The following PRRC2C variants were observed in gnomAD, a reference collection of about 807,000 sequenced individuals.
PRRC2C encodes proline rich coiled-coil 2C.
Under a neutral mutation model 317.2 loss-of-function variants are expected in PRRC2C, and 72 were observed. The observed-to-expected ratio is 0.23, with a 90% confidence interval of 0.19 to 0.28. The LOEUF is 0.28. Ranked by LOEUF, PRRC2C falls within the 10% of genes least tolerant of loss-of-function variation. PRRC2C has a pLI of 1.00. For synonymous variants in PRRC2C, 1,296 were observed against 1,205.9 expected (o/e 1.07, Z -1.55); for missense variants, 3,074 against 3,459.7 (o/e 0.89, Z 2.80).
chr1:171,524,764 G>A, intron 9 of PRRC2C, 57 bp from the exon 10 acceptor site: 1 of 1,454,732 alleles, frequency 6.9e-7, no homozygotes, highest in Non-Finnish European at 9.1e-7. Flanking sequence ...CAAAAATAAT[G>A]TGTGTACTTA....
At chr1:171,560,269 A>G (rs962564460) in intron 19 of PRRC2C, among the ~76,000 whole-genome samples, 1 of 152,348 alleles carries the variant, frequency 6.6e-6, no homozygotes, top group Middle Eastern at 3.4e-3. Flanking sequence ...ACATCAGTGG[A>G]GGAAATAACT....
chr1:171,510,490 A>G (rs1671152208), intron 1 of PRRC2C: 1 of 151,992 alleles, frequency 6.6e-6, no homozygotes, highest in East Asian at 1.9e-4. Context: ...CTCTTTTGTC[A>G]CTGTAGATGA....
At chr1:171,513,465 A>T (rs1484399331) in intron 3 of PRRC2C, 1 of 509,192 alleles carries the variant, frequency 2.0e-6, no homozygotes, top group Admixed American at 2.3e-5. Flanking sequence ...TTCCCTTTCC[A>T]ATATGATTAA....
intron 6 of PRRC2C, among the ~76,000 whole-genome samples, chr1:171,519,379 A>G (rs12567152): frequency 0.12 from 18,798 of 152,220 alleles, 1,233 homozygotes; most frequent in East Asian, 0.22. Flanking sequence ...GATCCAGGCA[A>G]CATCCATTCG....
intron 8 of PRRC2C, 25 bp downstream of exon 8, chr1:171,523,379 C>T: frequency 1.9e-6 from 3 of 1,613,714 alleles, no homozygotes; most frequent in East Asian, 2.2e-5. Context: ...TAATTAAGTC[C>T]TTTAAATTGT....
rs1683713853 is a variant in PRRC2C, at chr1:171,566,608, C to T, written c.6323C>T (p.Pro2108Leu). 1.3e-6 allele frequency: 2 copies of T among 1,586,144 alleles called. No homozygotes were observed. Among genetic ancestry groups the T allele is most frequent in the Non-Finnish European group, 1.7e-6 (2 of 1,167,144 alleles). ...IKAQKLPDLS[P>L]VENKEHKPGP... ...TGACTTTAGCTTCCAGATTTGAGTC[C>T]AGTAGAAAACAAAGAACACAAACCT... Residue 2108 changes from proline (P) to leucine (L), a missense_variant, in exon 22 of 35, where the codon CCA (proline) becomes CTA (leucine). By Grantham distance (98) the Pro-to-Leu change is moderately conservative (BLOSUM62 -3). Coordinates refer to ENST00000647382, the MANE Select transcript of PRRC2C (RefSeq NM_001387844.1).
At chr1:171,568,469 G>A in intron 23 of PRRC2C, 130 bp downstream of exon 23, 9 of 1,371,008 alleles carry the variant, frequency 6.6e-6, no homozygotes, top group Non-Finnish European at 8.6e-6. Flanking sequence ...TAGTAAATTT[G>A]TGTTTAGGAG....
intron 23 of PRRC2C, among the ~76,000 whole-genome samples, chr1:171,571,019 G>A (rs1558026715): frequency 6.6e-6 from 1 of 152,132 alleles, no homozygotes; most frequent in Non-Finnish European, 1.5e-5. Context: ...GGTGATTTAT[G>A]TACATATTAA....
At chr1:171,590,743 T>C (rs1558066137) in intron 34 of PRRC2C, among the ~76,000 whole-genome samples, 1 of 152,176 alleles carries the variant, frequency 6.6e-6, no homozygotes. Context: ...GAAATACCAG[T>C]GTGAGTAAAA....
chr1:171,535,446 C>G lies in PRRC2C; in HGVS notation c.1892C>G (p.Thr631Ser). Residue 631 changes from threonine to serine, a missense_variant, in exon 13 of 35, where the codon ACT (threonine) becomes AGT (serine). This residue lies in a region of PRRC2C where 1,320 missense variants were observed against 1,395.7 expected (regional missense o/e 0.95). Coordinates refer to ENST00000647382, the MANE Select transcript of PRRC2C (RefSeq NM_001387844.1). The part of the protein sequence containing the change: ...SCNKEEEPVF[T>S]RQDSNRSEKE... ...TGAGCAGAGGAGGAACCCGTTTTCA[C>G]TAGACAAGACAGCAATCGCAGTGAA... 1 of 1,613,254 alleles carries G rather than the reference C, an allele frequency of 6.2e-7. No homozygotes were observed. Among genetic ancestry groups the G allele is most frequent in the East Asian group, 2.2e-5 (1 of 44,872 alleles).
intron 18 of PRRC2C, among the ~76,000 whole-genome samples, chr1:171,555,536 G>A (rs1277884209): frequency 6.6e-6 from 1 of 152,222 alleles, no homozygotes; most frequent in Non-Finnish European, 1.5e-5. Context: ...ATTTGGAGGA[G>A]AAGAGTTGCT....
chr1:171,528,410 T>C (rs1446875274), intron 11 of PRRC2C, among the ~76,000 whole-genome samples: 2 of 151,418 alleles, frequency 1.3e-5, no homozygotes, highest in Non-Finnish European at 1.5e-5. Context: ...TGCCTCAGCC[T>C]CCTGAGTTGC....
rs1246627804 is a variant in PRRC2C, at chr1:171,587,000, T to C, written c.7750-3T>C. 1.9e-6 allele frequency: 3 copies of C among 1,585,738 alleles called. No individual in the cohort carries two copies. The highest frequency in any genetic ancestry group is 1.3e-5 in the African/African-American group (1 of 74,466). On this transcript the variant is annotated splice_polypyrimidine_tract_variant and splice_region_variant and intron_variant, in intron 30 of 34. Transcript: ENST00000647382. Reference sequence around the variant, plus strand: ...CTTCAGTTTCTCTTTACTTATTTTCTAGGTTACAGTACCTTTACCAGCATC... The same window carrying C: ...CTTCAGTTTCTCTTTACTTATTTTCCAGGTTACAGTACCTTTACCAGCATC...
chr1:171,523,287 T>A lies in PRRC2C; in HGVS notation c.900T>A (p.Ser300Arg). Reference sequence around the variant, plus strand: ...AGCCTGAACGCCCATCCATTCTTAGTGCATCAGAACTGAAGGAGCTTGATA... The same window carrying A: ...AGCCTGAACGCCCATCCATTCTTAGAGCATCAGAACTGAAGGAGCTTGATA... ...ASEPERPSILSASELKELDKF... is the reference protein window; with the variant it reads ...ASEPERPSILRASELKELDKF... The change falls in exon 8 of 35, where the codon AGT becomes AGA. Residue 300 changes from serine (S) to arginine (R), a missense_variant. Ser to Arg is a moderately radical substitution (Grantham distance 110). Coordinates refer to ENST00000647382, the MANE Select transcript of PRRC2C (RefSeq NM_001387844.1). 1 of 1,613,836 alleles carries A rather than the reference T, an allele frequency of 6.2e-7. No homozygotes were observed. Among genetic ancestry groups the A allele is most frequent in the Non-Finnish European group, 8.5e-7 (1 of 1,179,800 alleles).
At chr1:171,564,255 C>T (rs1025671081) in intron 20 of PRRC2C, among the ~76,000 whole-genome samples, 5 of 152,092 alleles carry the variant, frequency 3.3e-5, no homozygotes, top group African/African-American at 1.2e-4. Flanking sequence ...CTTACAAAGA[C>T]TTGATATTAT....
intron 19 of PRRC2C, among the ~76,000 whole-genome samples, chr1:171,560,284 C>T (rs569279468): frequency 7.0e-4 from 106 of 152,268 alleles, no homozygotes; most frequent in Non-Finnish European, 1.3e-3. Context: ...ATAACTCTGA[C>T]GCAAAGAAAG....
chr1:171,523,546 A>G, intron 9 of PRRC2C, 24 bp downstream of exon 9: 1 of 1,551,628 alleles, frequency 6.4e-7, no homozygotes, highest in Non-Finnish European at 8.9e-7. Flanking sequence ...TCTTTTACTA[A>G]TAACAGTATG....
rs1289351005 is a variant in PRRC2C at position 171,547,645 on chromosome 1, TG to T, written c.4972+1959del. ...TCAAGTTTCCCTTCTTTTTTTTTTTTGTTTTTTTTTTTTTTTGAGACACAGT... is the reference window on the plus strand; with the variant it reads ...TCAAGTTTCCCTTCTTTTTTTTTTTTTTTTTTTTTTTTTTTGAGACACAGT... On this transcript the variant is annotated intron_variant, in intron 17 of 34. Transcript: ENST00000647382. Among the ~76,000 whole-genome samples, 23 of 100,580 alleles carry T rather than the reference TG, an allele frequency of 2.3e-4. 1 individual carries two copies. Among genetic ancestry groups the T allele is most frequent in the East Asian group, 9.9e-4 (3 of 3,038 alleles). The allele number at this position is 100,580 out of a possible 152,430, so 66.0% of individuals were successfully genotyped here. A position where few individuals can be genotyped will look rare whatever the true frequency, so the allele number is the denominator to read the frequency against.
chr1:171,573,700 T>G (rs568671291), intron 24 of PRRC2C, among the ~76,000 whole-genome samples: 2 of 117,664 alleles, frequency 1.7e-5, no homozygotes, highest in South Asian at 5.7e-4. Context: ...TTTTTTTGAG[T>G]TGGAGCCTCG....
Sources: allele counts gnomAD v4.1 joint callset (sites outside exome capture counted in the v4.1 genomes callset), GRCh38; gene constraint gnomAD v4.1.1; regional missense constraint gnomAD v4.1.1; transcripts MANE v1.5; gene names NCBI Gene and HGNC (gene_info 2026-07-23, HGNC 2026-07-21).